The following PTER variants were observed in gnomAD, a reference collection of about 807,000 sequenced individuals.
PTER encodes phosphotriesterase related, also known as N-acetyltaurine hydrolase.
In PTER, 38 loss-of-function variants were observed where a neutral mutation model predicts 29.6. The ratio of observed to expected loss-of-function variants is 1.28; its 90% CI spans 0.99 to 1.68. PTER has a LOEUF of 1.68. Among genes scored for constraint, PTER ranks in the 40% most tolerant of loss-of-function variants. The probability of loss-of-function intolerance (pLI) is 0.00; values close to 1 mark genes in which losing one functional copy is unlikely to be tolerated. For missense variants in PTER, 482 were observed against 427.8 expected (o/e 1.13, Z -1.12); for synonymous variants, 172 against 154.5 (o/e 1.11, Z -0.84).
chr10:16,494,415 A>G (rs867472266), intron 3 of PTER, among the ~76,000 whole-genome samples: 2 of 152,206 alleles, frequency 1.3e-5, no homozygotes, highest in African/African-American at 4.8e-5. Flanking sequence ...CGACCCAAGC[A>G]GTCAGAGAAC....
At chr10:16,476,749 G>A (rs948940044) in intron 1 of PTER, among the ~76,000 whole-genome samples, 2 of 151,376 alleles carry the variant, frequency 1.3e-5, no homozygotes, top group African/African-American at 4.9e-5. Flanking sequence ...TTTTTGTAGA[G>A]ACAAGGTGTT....
intron 1 of PTER, among the ~76,000 whole-genome samples, chr10:16,440,336 C>A (rs1291874744): frequency 6.6e-6 from 1 of 152,028 alleles, no homozygotes. Context: ...CCGGCATGAG[C>A]CACCACGCCC....
At chr10:16,463,137 G>C (rs1386836308) in intron 1 of PTER, among the ~76,000 whole-genome samples, 1 of 147,650 alleles carries the variant, frequency 6.8e-6, no homozygotes, top group Non-Finnish European at 1.5e-5. Context: ...AGGTTGCAGT[G>C]AGCCAAGATT....
intron 1 of PTER, among the ~76,000 whole-genome samples, chr10:16,448,668 G>C (rs1390851773): frequency 6.6e-6 from 1 of 152,060 alleles, no homozygotes; most frequent in Non-Finnish European, 1.5e-5. Flanking sequence ...TCATTCACTG[G>C]GTACAATCAG....
intron 3 of PTER, among the ~76,000 whole-genome samples, chr10:16,497,941 A>G (rs774681983): frequency 3.9e-5 from 6 of 152,058 alleles, no homozygotes; most frequent in Admixed American, 1.3e-4. Flanking sequence ...TTAGCTGATG[A>G]CAATTTATTT....
rs145465266 is a variant in PTER, at chr10:16,493,921, G to A, written c.698+7304G>A. On this transcript the variant is annotated intron_variant, in intron 3 of 4. Transcript: ENST00000535784. ...CTATTTTGGGCAGACCTGCCTTCCTGGTGAAAGGGAAACGCTGGCCATGTG... is the reference window on the plus strand; with the variant it reads ...CTATTTTGGGCAGACCTGCCTTCCTAGTGAAAGGGAAACGCTGGCCATGTG... Among the ~76,000 whole-genome samples, 178 of 152,260 alleles carry A rather than the reference G, an allele frequency of 1.2e-3. 4 individuals carry two copies. The East Asian group carries it at 0.03, about 25-fold the overall frequency.
chr10:16,486,707 A>C, intron 3 of PTER, 90 bp downstream of exon 3: 2 of 1,380,034 alleles, frequency 1.4e-6, no homozygotes, highest in Non-Finnish European at 2.0e-6. Context: ...TCAATGCAAT[A>C]CTAATCACGC....
At chr10:16,476,071 C>G (rs981904680) in intron 1 of PTER, 1 of 151,920 alleles carries the variant, frequency 6.6e-6, no homozygotes, top group African/African-American at 2.4e-5. Flanking sequence ...AATCATAATC[C>G]TGAACATTTA....
chr10:16,474,697 C>T (rs1835192395), intron 1 of PTER, among the ~76,000 whole-genome samples: 1 of 152,038 alleles, frequency 6.6e-6, no homozygotes, highest in South Asian at 2.1e-4. Flanking sequence ...ACCAGCCTGG[C>T]CAGCATGGTG....
intron 2 of PTER, among the ~76,000 whole-genome samples, chr10:16,485,793 G>T (rs1477405632): frequency 2.0e-5 from 3 of 152,096 alleles, no homozygotes; most frequent in Non-Finnish European, 4.4e-5. Flanking sequence ...AAATAGGAGA[G>T]AATTAAAGCA....
intron 4 of PTER, among the ~76,000 whole-genome samples, chr10:16,507,971 G>A (rs1836643592): frequency 6.6e-6 from 1 of 152,078 alleles, no homozygotes; most frequent in African/African-American, 2.4e-5. Context: ...AAATAGTGCA[G>A]TGCATTCAGT....
At chr10:16,473,521 A>G (rs1166385245) in intron 1 of PTER, among the ~76,000 whole-genome samples, 1 of 68,494 alleles carries the variant, frequency 1.5e-5, no homozygotes, top group Non-Finnish European at 3.0e-5. Context: ...CTCCATCCGA[A>G]AAAAAAAAAA....
downstream of PTER, chr10:16,514,709 T>TAC: frequency 6.2e-7 from 1 of 1,604,566 alleles, no homozygotes; most frequent in Non-Finnish European, 8.5e-7. Flanking sequence ...AGCACGCACC[T>TAC]ATGTGAAACA....
At chr10:16,445,390 C>T (rs1048146605) in intron 1 of PTER, among the ~76,000 whole-genome samples, 14 of 152,134 alleles carry the variant, frequency 9.2e-5, no homozygotes, top group Admixed American at 7.2e-4. Flanking sequence ...CTAGCCTGGG[C>T]GACAGAGTGA....
chr10:16,449,266 T>G (rs1383825492), intron 1 of PTER, among the ~76,000 whole-genome samples: 1 of 152,068 alleles, frequency 6.6e-6, no homozygotes, highest in Non-Finnish European at 1.5e-5. Flanking sequence ...TTCTGCCAGG[T>G]GCTAAGTATG....
Position 16,503,065 on chromosome 10 carries a change from C to CTT in PTER, c.699-1929_699-1928dup, listed in dbSNP as rs541383811. On this transcript the variant is annotated intron_variant, in intron 3 of 4. Coordinates refer to ENST00000535784, the MANE Select transcript of PTER (RefSeq NM_001261836.2). ...GTAGATTCATGGACACATGATAGTGCTTTTTTTTTTTTTTTTTTTTTTTTT... is the reference window on the plus strand; with the variant it reads ...GTAGATTCATGGACACATGATAGTGCTTTTTTTTTTTTTTTTTTTTTTTTTTT... Among the ~76,000 whole-genome samples the CTT allele has an allele frequency of 3.4e-3, 237 of 69,416 alleles. 17 individuals are homozygous for CTT. The highest frequency in any genetic ancestry group is 4.2e-3 in the African/African-American group (68 of 16,054). 45.5% of individuals were successfully genotyped at this position (69,416 alleles called of 152,430 possible).
At chr10:16,493,833 A>C (rs994623964) in intron 3 of PTER, among the ~76,000 whole-genome samples, 3 of 151,996 alleles carry the variant, frequency 2.0e-5, no homozygotes, top group Non-Finnish European at 4.4e-5. Context: ...AAATAGTGCC[A>C]AATAAAATGC....
Position 16,484,337 on chromosome 10 carries a change from A to G in PTER, c.-48A>G. 2 of 1,478,746 alleles carry G rather than the reference A, an allele frequency of 1.4e-6. No individual in the cohort carries two copies. Among genetic ancestry groups the G allele is most frequent in the Non-Finnish European group, 1.8e-6 (2 of 1,097,098 alleles). 91.6% of individuals were successfully genotyped at this position (1,478,746 alleles called of 1,614,324 possible). A position where few individuals can be genotyped will look rare whatever the true frequency, so the allele number is the denominator to read the frequency against. On this transcript the variant is annotated splice_region_variant and 5_prime_UTR_variant, in exon 2 of 5. Coordinates refer to ENST00000535784, the MANE Select transcript of PTER (RefSeq NM_001261836.2). ...TGTTTGTTTGTTTGTTTGTTTTTAG[A>G]AAAAAGAAATCCTCTTTTTAGAACA... is the stretch of plus-strand genomic sequence containing the variant.
At chr10:16,439,384 A>G (rs551152848) in intron 1 of PTER, among the ~76,000 whole-genome samples, 16 of 152,356 alleles carry the variant, frequency 1.1e-4, no homozygotes, top group African/African-American at 3.1e-4. Flanking sequence ...TTGAAGTGTC[A>G]GTAAATTTTG....
Sources: gnomAD v4.1 joint callset for allele counts (sites outside exome capture counted in the v4.1 genomes callset) on GRCh38, gnomAD v4.1.1 for gene constraint, MANE v1.5 for transcripts, NCBI Gene and HGNC (gene_info 2026-07-23, HGNC 2026-07-21) for gene names.